Variants in PCDHGA4 observed in about 807,000 individuals in gnomAD.
The protein encoded by PCDHGA4 is protocadherin gamma-A4.
In PCDHGA4, 38 loss-of-function variants were observed where a neutral mutation model predicts 54.6. The observed-to-expected ratio is 0.70, with a 90% CI of 0.54 to 0.91. The LOEUF (loss-of-function observed/expected upper bound fraction) is 0.91. PCDHGA4 is among the 40% of genes least tolerant of loss of function. The pLI, the probability that PCDHGA4 is intolerant of heterozygous loss-of-function variation, is 0.00. For synonymous variants in PCDHGA4, 511 were observed against 512.9 expected, an observed-to-expected ratio of 1.00 and a Z score of 0.05; for missense variants, 1,298 against 1,220.9, an observed-to-expected ratio of 1.06 and a Z score of -0.94.
chr5:141,465,997 C>T (rs1344380021), intron 1 of PCDHGA4, among the ~76,000 whole-genome samples: 1 of 151,918 alleles, frequency 6.6e-6, no homozygotes, highest in Non-Finnish European at 1.5e-5. Context: ...TGGCAGGCAC[C>T]TGTAGTCCCA....
At chr5:141,464,415 C>A (rs1185416197) in intron 1 of PCDHGA4, among the ~76,000 whole-genome samples, 2 of 150,854 alleles carry the variant, frequency 1.3e-5, no homozygotes, top group Admixed American at 6.6e-5. Context: ...ATATATATAT[C>A]TATATATATA....
intron 1 of PCDHGA4, chr5:141,418,422 G>T: frequency 6.2e-7 from 1 of 1,613,996 alleles, no homozygotes; most frequent in Non-Finnish European, 8.5e-7. Context: ...AATCCTGATG[G>T]TGGCAAATAT....
At chr5:141,392,870 G>T (rs757363357) in intron 1 of PCDHGA4, 8 of 1,613,226 alleles carry the variant, frequency 5.0e-6, no homozygotes, top group Non-Finnish European at 6.8e-6. Context: ...TGTGCGCGCT[G>T]CTGGGAACGC....
rs753954982 is a variant in PCDHGA4 at position 141,478,158 on chromosome 5, C to A, written c.2515-16649C>A. 9 of 1,613,936 alleles carry A rather than the reference C, an allele frequency of 5.6e-6. No individual in the cohort carries two copies. In the African/African-American group the frequency reaches 1.2e-4, roughly 22 times the overall value. On this transcript the variant is annotated intron_variant, in intron 1 of 3. Transcript: ENST00000571252. ...GCCCGAGCCGAGTTCCCCTCTGGCT[C>A]TGCCCCCCGGGAGCAGAAAAAAAAT...
chr5:141,371,622 C>G (rs1198446488), intron 1 of PCDHGA4: 1 of 1,613,888 alleles, frequency 6.2e-7, no homozygotes, highest in African/African-American at 1.3e-5. Flanking sequence ...AGATGGAGCC[C>G]TGGACCGGGA....
intron 1 of PCDHGA4, among the ~76,000 whole-genome samples, chr5:141,446,193 T>C (rs1402824950): frequency 6.6e-6 from 1 of 152,208 alleles, no homozygotes; most frequent in East Asian, 1.9e-4. Flanking sequence ...TTTATTATTA[T>C]ATTCCTAGGT....
rs1328089059 is a variant in PCDHGA4, at chr5:141,478,532, G to A, written c.2515-16275G>A. 4.4e-6 allele frequency: 7 copies of A among 1,607,742 alleles called. No homozygotes were observed. The East Asian group carries it at 1.6e-4, about 36-fold the overall frequency. On this transcript the variant is annotated intron_variant, in intron 1 of 3. Coordinates refer to ENST00000571252, the MANE Select transcript of PCDHGA4 (RefSeq NM_018917.4). Reference sequence around the variant, plus strand: ...TAGGCAGGTGTTGGGTGCAGAGAGCGCCCCTCCCGGACAGGTAAGGTTTAG... The same window carrying A: ...TAGGCAGGTGTTGGGTGCAGAGAGCACCCCTCCCGGACAGGTAAGGTTTAG...
chr5:141,404,790 A>T, intron 1 of PCDHGA4: 1 of 1,611,288 alleles, frequency 6.2e-7, no homozygotes, highest in East Asian at 2.2e-5. Context: ...AAGGCCAGTG[A>T]GCCAGGGCTC....
intron 3 of PCDHGA4, among the ~76,000 whole-genome samples, chr5:141,509,539 A>G (rs749824780): frequency 1.3e-5 from 2 of 152,160 alleles, no homozygotes; most frequent in East Asian, 1.9e-4. Context: ...ATGAAGCACC[A>G]TCTCATTTAG....
At chr5:141,375,022 T>G in intron 1 of PCDHGA4, 1 of 1,613,828 alleles carries the variant, frequency 6.2e-7, no homozygotes, top group Admixed American at 1.7e-5. Flanking sequence ...AGGACTCGAG[T>G]TTTTATGAGC....
At position 141,490,479 on chromosome 5, in the gene PCDHGA4, C is replaced by T; in HGVS notation, c.2515-4328C>T. 11 of 1,614,216 alleles carry T rather than the reference C, an allele frequency of 6.8e-6. No homozygotes were observed. Among genetic ancestry groups the T allele is most frequent in the Non-Finnish European group, 9.3e-6 (11 of 1,180,032 alleles). ...CGCTGCTAACCAGCCAGCCTTTGGACCGGGAGGCCACATCCCACTATATCA... is the reference window on the plus strand; with the variant it reads ...CGCTGCTAACCAGCCAGCCTTTGGATCGGGAGGCCACATCCCACTATATCA... On this transcript the variant is annotated intron_variant, in intron 1 of 3. Coordinates refer to ENST00000571252, the MANE Select transcript of PCDHGA4 (RefSeq NM_018917.4). This position sits in a 1 kb window ranked among gnomAD's most constrained non-coding sequence, Gnocchi z 5.4.
intron 1 of PCDHGA4, chr5:141,404,104 T>C (rs2094485215): frequency 1.2e-6 from 2 of 1,613,640 alleles, no homozygotes; most frequent in East Asian, 2.2e-5. Flanking sequence ...AAGTTGTCTG[T>C]TCTATCCAGG....
intron 1 of PCDHGA4, chr5:141,399,003 A>T: frequency 6.2e-7 from 1 of 1,613,966 alleles, no homozygotes; most frequent in Non-Finnish European, 8.5e-7. Context: ...GTCTGAATTC[A>T]AAGAGCGGAG....
chr5:141,419,522 C>A, intron 1 of PCDHGA4: 4 of 1,612,178 alleles, frequency 2.5e-6, no homozygotes, highest in Non-Finnish European at 3.4e-6. Context: ...GGTGGGCGAC[C>A]GTAACGACAA....
At chr5:141,433,085 G>A in intron 1 of PCDHGA4, 1 of 1,614,170 alleles carries the variant, frequency 6.2e-7, no homozygotes, top group Non-Finnish European at 8.5e-7. Flanking sequence ...GCCCAACTAT[G>A]CAGACATGCT....
rs201022484 is a variant in PCDHGA4, at chr5:141,376,043, C to T, written c.2514+18422C>T. On this transcript the variant is annotated intron_variant, in intron 1 of 3. Coordinates refer to ENST00000571252, the MANE Select transcript of PCDHGA4 (RefSeq NM_018917.4). ...CGTCCAGGACCACGGCCAGCCCCCTCTCTCCGCCACTGTCACGCTCACCGT... is the reference window on the plus strand; with the variant it reads ...CGTCCAGGACCACGGCCAGCCCCCTTTCTCCGCCACTGTCACGCTCACCGT... 7.1e-4 allele frequency: 1,140 copies of T among 1,613,172 alleles called. 2 individuals carry two copies. Among genetic ancestry groups the T allele is most frequent in the Non-Finnish European group, 8.8e-4 (1,041 of 1,179,846 alleles).
chr5:141,384,674 T>C (rs748841666), intron 1 of PCDHGA4: 9 of 1,614,038 alleles, frequency 5.6e-6, no homozygotes, highest in Non-Finnish European at 8.5e-7. Context: ...ACCAAGGTGG[T>C]GGCGGTGGAC....
At chr5:141,508,756 C>A (rs890362975) in intron 3 of PCDHGA4, among the ~76,000 whole-genome samples, 2 of 151,904 alleles carry the variant, frequency 1.3e-5, no homozygotes, top group African/African-American at 4.8e-5. Flanking sequence ...CTTTCTCTGG[C>A]GCCTCTGAGG....
intron 1 of PCDHGA4, chr5:141,374,190 C>T: frequency 6.2e-7 from 1 of 1,613,820 alleles, no homozygotes; most frequent in Non-Finnish European, 8.5e-7. Context: ...TACTCTATTC[C>T]CGAGGAGCTG....
Sources: allele counts gnomAD v4.1 joint callset (sites outside exome capture counted in the v4.1 genomes callset), GRCh38; gene constraint gnomAD v4.1.1; non-coding constraint Gnocchi (gnomAD v3.1); transcripts MANE v1.5; gene names NCBI Gene and HGNC (gene_info 2026-07-23, HGNC 2026-07-21).